Variants in PIK3C2B observed in about 807,000 individuals in gnomAD.
The protein encoded by PIK3C2B is phosphatidylinositol 4-phosphate 3-kinase C2 domain-containing subunit beta.
PIK3C2B carries 83 observed loss-of-function variants against 184.3 expected under a neutral mutation model. The observed-to-expected ratio is 0.45, with a 90% CI of 0.38 to 0.54. The LOEUF is 0.54. PIK3C2B is among the 20% of genes least tolerant of loss of function. The pLI is 0.00. For missense variants in PIK3C2B, 1,736 were observed against 2,113.5 expected (o/e 0.82, Z 3.50); for synonymous variants, 779 against 837.6 (o/e 0.93, Z 1.21).
At chr1:204,453,964 G>A (rs1029210084) in intron 12 of PIK3C2B, among the ~76,000 whole-genome samples, 3 of 151,648 alleles carry the variant, frequency 2.0e-5, no homozygotes, top group Non-Finnish European at 4.4e-5. Flanking sequence ...TAGTAGAGAC[G>A]AGGTTTCTCC....
intron 1 of PIK3C2B, among the ~76,000 whole-genome samples, chr1:204,493,348 G>A: frequency 6.6e-6 from 1 of 152,002 alleles, no homozygotes; most frequent in Non-Finnish European, 1.5e-5. Flanking sequence ...GCCAGCCCAG[G>A]GTACAAAACT....
Position 204,424,757 on chromosome 1 carries a change from C to A in PIK3C2B, c.*95G>T, listed in dbSNP as rs1470586003. Reference sequence around the variant, plus strand: ...GACCGAGCTGGAGGCCTGCCCAGGGCCCTGGCCCTTCACAAGGAGGAGTCT... The same window carrying A: ...GACCGAGCTGGAGGCCTGCCCAGGGACCTGGCCCTTCACAAGGAGGAGTCT... On this transcript the variant is annotated 3_prime_UTR_variant, in exon 33 of 33. Transcript: ENST00000684373. 7.7e-6 allele frequency: 10 copies of A among 1,292,612 alleles called. No homozygotes were observed. Among genetic ancestry groups the A allele is most frequent in the Non-Finnish European group, 1.1e-5 (10 of 889,954 alleles). 80.1% of individuals were successfully genotyped at this position (1,292,612 alleles called of 1,614,324 possible).
chr1:204,469,165 A>C lies in PIK3C2B; in HGVS notation c.638T>G (p.Val213Gly). The change falls in exon 2 of 33, where the codon GTG becomes GGG. Residue 213 changes from valine (V) to glycine (G), a missense_variant. This residue lies in a region of PIK3C2B where 404 missense variants were observed against 418.0 expected (regional missense o/e 0.97). Transcript: ENST00000684373. ...LEHRILEEEE[V>G]LGGGGQGRLL... ...GCGCCCCTGACCCCCACCTCCCAGC[A>C]CCTCTTCCTCTTCTAGGATCCGATG... 6.2e-7 allele frequency: 1 copy of C among 1,613,838 alleles called. No individual in the cohort carries two copies. Among genetic ancestry groups the C allele is most frequent in the South Asian group, 1.1e-5 (1 of 91,042 alleles).
rs1453077327 is a variant in PIK3C2B at position 204,457,885 on chromosome 1, T to C, written c.1567-11A>G. 1.2e-6 allele frequency: 2 copies of C among 1,610,600 alleles called. No homozygotes were observed. Among genetic ancestry groups the C allele is most frequent in the East Asian group, 2.2e-5 (1 of 44,766 alleles). ...CAGTGGGAAGTCTCCCTGTGGGAGG[T>C]GGCACAGTGAGGCTGGCAGGCTCTG... On this transcript the variant is annotated splice_polypyrimidine_tract_variant and intron_variant, in intron 8 of 32. Transcript: ENST00000684373.
chr1:204,467,021 G>A (rs919256669), intron 2 of PIK3C2B: 3 of 471,974 alleles, frequency 6.4e-6, no homozygotes, highest in Non-Finnish European at 1.3e-5. Flanking sequence ...CTGAGCCGGG[G>A]AGGACCAAGG....
intron 1 of PIK3C2B, among the ~76,000 whole-genome samples, chr1:204,470,555 G>T (rs375379416): frequency 2.6e-5 from 4 of 152,236 alleles, no homozygotes; most frequent in Non-Finnish European, 5.9e-5. Flanking sequence ...TACACTACTG[G>T]TGGGGAATGT....
Position 204,433,520 on chromosome 1 carries a change from T to A in PIK3C2B, c.3844-95A>T, listed in dbSNP as rs1240057272. On this transcript the variant is annotated intron_variant, in intron 25 of 32. Transcript: ENST00000684373. The surrounding 1 kb of genome is among the most constrained non-coding windows in gnomAD (Gnocchi z 5.0). The stretch of plus-strand genomic sequence containing the variant: ...TAGGCAAGGTTTTCTACAGCTAGGC[T>A]CCCTAACCCTTCTAGAGGGTGGTAG... 1 of 831,926 alleles carries A rather than the reference T, an allele frequency of 1.2e-6. No homozygotes were observed. Among genetic ancestry groups the A allele is most frequent in the African/African-American group, 1.7e-5 (1 of 59,004 alleles). The allele number at this position is 831,926 out of a possible 1,614,324, so 51.5% of individuals were successfully genotyped here.
chr1:204,485,401 CT>C (rs147880389), intron 1 of PIK3C2B, among the ~76,000 whole-genome samples: 6,368 of 151,886 alleles, frequency 0.042, 241 homozygotes, highest in African/African-American at 0.087. Flanking sequence ...ATTCTTTTAC[CT>C]GAAAAATTAT....
At chr1:204,431,317 T>C (rs1255416472) in intron 28 of PIK3C2B, 1 of 282,304 alleles carries the variant, frequency 3.5e-6, no homozygotes, top group African/African-American at 2.1e-5. Flanking sequence ...CGTGTCGAAA[T>C]CTCCCTCCAT....
At chr1:204,465,172 C>CCTCCCCCAA in intron 3 of PIK3C2B, 47 bp downstream of exon 3, 2 of 820,646 alleles carry the variant, frequency 2.4e-6, no homozygotes, top group Non-Finnish European at 2.1e-6. Context: ...CCCCCCTCCC[C>CCTCCCCCAA]ATCCCCCATA....
In PIK3C2B at chr1:204,447,652, C is replaced by A; in HGVS notation, c.2347-74G>T. On this transcript the variant is annotated intron_variant, in intron 14 of 32. Transcript: ENST00000684373. This position sits in a 1 kb window ranked among gnomAD's most constrained non-coding sequence, Gnocchi z 4.1. The stretch of plus-strand genomic sequence containing the variant: ...TGGACTCCCAGCTTCTTTCTCTCAC[C>A]CCAGCATTCCGGCCTTGTCCCTCCC... 9.3e-7 allele frequency: 1 copy of A among 1,074,550 alleles called. No homozygotes were observed. The highest frequency in any genetic ancestry group is 1.3e-5 in the South Asian group (1 of 74,620). The allele number at this position is 1,074,550 out of a possible 1,614,324, so 66.6% of individuals were successfully genotyped here. A position where few individuals can be genotyped will look rare whatever the true frequency, so the allele number is the denominator to read the frequency against.
Position 204,460,639 on chromosome 1 carries a change from C to T in PIK3C2B, c.1333G>A (p.Glu445Lys). The T allele has an allele frequency of 6.2e-7, 1 of 1,612,984 alleles. No homozygotes were observed. Among genetic ancestry groups the T allele is most frequent in the Non-Finnish European group, 8.5e-7 (1 of 1,178,958 alleles). The change falls in exon 6 of 33, where the codon GAG becomes AAG. Residue 445 changes from glutamate (E) to lysine (K), a missense_variant. This residue lies in a region of PIK3C2B where 609 missense variants were observed against 699.2 expected (regional missense o/e 0.87). Coordinates refer to ENST00000684373, the MANE Select transcript of PIK3C2B (RefSeq NM_001377334.1). ...LQNKHALGSH[E>K]YIQYCRKFDI... ...AACTTGCGGCAGTATTGGATGTACT[C>T]ATGACTGCCCAAGGCATGCTTGCTG...
intron 5 of PIK3C2B, among the ~76,000 whole-genome samples, chr1:204,463,616 C>T (rs1655508694): frequency 6.6e-6 from 1 of 152,132 alleles, no homozygotes; most frequent in African/African-American, 2.4e-5. Context: ...GGAACTTCTG[C>T]CCAGTCCTCA....
chr1:204,428,612 G>A (rs899467230), intron 29 of PIK3C2B, among the ~76,000 whole-genome samples: 1 of 152,096 alleles, frequency 6.6e-6, no homozygotes, highest in Non-Finnish European at 1.5e-5. Context: ...TGCAACCTCA[G>A]GCTCCCAAGT....
At position 204,444,381 on chromosome 1, in the gene PIK3C2B, C is replaced by A. The variant is rs985557106; in HGVS notation, c.2722G>T (p.Gly908Cys). The change falls in exon 17 of 33, where the codon GGC (glycine) becomes TGC (cysteine). Residue 908 changes from glycine to cysteine, a missense_variant. By Grantham distance (159) the Gly-to-Cys change is radical. This residue lies in a region of PIK3C2B where 289 missense variants were observed against 380.4 expected (regional missense o/e 0.76). Transcript: ENST00000684373. The stretch of plus-strand genomic sequence containing the variant: ...AGCAGCTCAGCATCTGAGAGTGAGC[C>A]AATCCACTGCACAGCCATACGACGC... Reference protein sequence around the residue: ...EVRRMAVQWIGSLSDAELLDY... With the variant: ...EVRRMAVQWICSLSDAELLDY... 3.7e-6 allele frequency: 6 copies of A among 1,613,866 alleles called. No homozygotes were observed. The African/African-American group carries it at 8.0e-5, about 22-fold the overall frequency.
intron 15 of PIK3C2B, among the ~76,000 whole-genome samples, chr1:204,446,707 G>T (rs999988149): frequency 2.6e-5 from 4 of 152,188 alleles, no homozygotes; most frequent in Admixed American, 1.3e-4. Flanking sequence ...GGAGCTGAGG[G>T]TCTAATGAAG....
At position 204,444,377 on chromosome 1, in the gene PIK3C2B, G is replaced by A. The variant is rs150983515; in HGVS notation, c.2726C>T (p.Ser909Leu). 7.7e-5 allele frequency: 125 copies of A among 1,613,872 alleles called. No individual in the cohort carries two copies. In the African/African-American group the frequency reaches 1.6e-3, roughly 21 times the overall value. The change falls in exon 17 of 33, where the codon TCA becomes TTA. Residue 909 changes from serine (S) to leucine (L), a missense_variant. This residue lies in a region of PIK3C2B where 289 missense variants were observed against 380.4 expected (regional missense o/e 0.76). Transcript: ENST00000684373. ...VRRMAVQWIG[S>L]LSDAELLDYL... ...GTCTAGCAGCTCAGCATCTGAGAGT[G>A]AGCCAATCCACTGCACAGCCATACG... is the stretch of plus-strand genomic sequence containing the variant.
chr1:204,433,345 T>G lies in PIK3C2B; in HGVS notation c.3924A>C (p.Thr1308=), dbSNP rs904393462. Residue 1308 remains threonine, a synonymous_variant, in exon 26 of 33, where the codon ACA becomes ACC. Coordinates refer to ENST00000684373, the MANE Select transcript of PIK3C2B (RefSeq NM_001377334.1). The surrounding 1 kb of genome is among the most constrained non-coding windows in gnomAD (Gnocchi z 5.0). ...TGAAGTAGGTAGTGGCATTGGCCTC[T>G]GTATCCTGAGGCCTCAGGGCATCGT... ...YVYDALRPQD[T]EANATTYFTR... is the part of the protein sequence containing the mutation. The G allele has an allele frequency of 8.1e-6, 13 of 1,602,882 alleles. No homozygotes were observed. Among genetic ancestry groups the G allele is most frequent in the Non-Finnish European group, 1.1e-5 (13 of 1,169,736 alleles).
chr1:204,456,910 A>ACACACACACACACACACACACC, intron 10 of PIK3C2B, 127 bp downstream of exon 10: 1 of 173,546 alleles, frequency 5.8e-6, no homozygotes, highest in South Asian at 1.0e-4. Context: ...ACACACACCC[A>ACACACACACACACACACACACC]CACACACACA....
Sources: gnomAD v4.1 joint callset for allele counts (sites outside exome capture counted in the v4.1 genomes callset) on GRCh38, gnomAD v4.1.1 for gene constraint, gnomAD v4.1.1 regional missense constraint, Gnocchi (gnomAD v3.1) non-coding constraint, MANE v1.5 for transcripts, NCBI Gene and HGNC (gene_info 2026-07-23, HGNC 2026-07-21) for gene names.